Variants in VTA1 observed in about 807,000 individuals in gnomAD.
VTA1 encodes the protein vesicle trafficking 1, also known as vacuolar protein sorting-associated protein VTA1 homolog.
A neutral mutation model predicts 36.9 loss-of-function variants in VTA1; 24 were observed. The observed-to-expected ratio is 0.65, with a 90% CI of 0.47 to 0.91. The LOEUF is 0.91. Ranked by LOEUF, VTA1 falls within the 40% of genes least tolerant of loss-of-function variation. The pLI, the probability that VTA1 is intolerant of heterozygous loss-of-function variation, is 0.00. For synonymous variants in VTA1, 142 were observed against 130.2 expected, an observed-to-expected ratio of 1.09 and a Z score of -0.62; for missense variants, 393 against 377.2, an observed-to-expected ratio of 1.04 and a Z score of -0.35.
intron 4 of VTA1, among the ~76,000 whole-genome samples, chr6:142,179,914 CTT>C (rs891662441): frequency 6.6e-6 from 1 of 151,990 alleles, no homozygotes; most frequent in Non-Finnish European, 1.5e-5. Flanking sequence ...AGTTTTCTCA[CTT>C]TTGGGGAATT....
At chr6:142,180,652 A>G (rs1406064863) in intron 4 of VTA1, among the ~76,000 whole-genome samples, 1 of 152,134 alleles carries the variant, frequency 6.6e-6, no homozygotes, top group African/African-American at 2.4e-5. Context: ...CTTGTAACAC[A>G]CCTCTTTAGG....
At chr6:142,185,287 A>G (rs538377070) in intron 4 of VTA1, among the ~76,000 whole-genome samples, 4 of 152,274 alleles carry the variant, frequency 2.6e-5, no homozygotes, top group Admixed American at 6.5e-5. Flanking sequence ...AAGGGTGGAA[A>G]TAATGTATTG....
rs1218933388 is a variant in VTA1, at chr6:142,147,263, AG to A, written c.-23del. The A allele has an allele frequency of 1.2e-6, 2 of 1,612,920 alleles. No individual in the cohort carries two copies. Among genetic ancestry groups the A allele is most frequent in the African/African-American group, 1.3e-5 (1 of 74,912 alleles). On this transcript the variant is annotated 5_prime_UTR_variant, in exon 1 of 8. Coordinates refer to ENST00000367630, the MANE Select transcript of VTA1 (RefSeq NM_016485.5). ...GCGGAAGTGCCGGTGGAGCGCGAGTAGGAAGTGGTGAGTTCGGAGTAGAGAT... is the reference window on the plus strand; with the variant it reads ...GCGGAAGTGCCGGTGGAGCGCGAGTAGAAGTGGTGAGTTCGGAGTAGAGAT...
chr6:142,208,114 A>G (rs1582904088), intron 7 of VTA1, among the ~76,000 whole-genome samples: 1 of 151,342 alleles, frequency 6.6e-6, no homozygotes, highest in South Asian at 2.1e-4. Context: ...AAAAATCCCA[A>G]AACTGACCCT....
chr6:142,147,921 C>T (rs2114622934), intron 1 of VTA1, among the ~76,000 whole-genome samples: 2 of 152,228 alleles, frequency 1.3e-5, no homozygotes, highest in Non-Finnish European at 2.9e-5. Flanking sequence ...CTTTCCCCAC[C>T]CAGCTGCTCT....
chr6:142,183,359 C>T (rs911044426), intron 4 of VTA1, among the ~76,000 whole-genome samples: 5 of 152,112 alleles, frequency 3.3e-5, no homozygotes, highest in Non-Finnish European at 7.4e-5. Context: ...TTTTTCATAG[C>T]TCTAGCCAGG....
intron 1 of VTA1, among the ~76,000 whole-genome samples, chr6:142,159,150 AGGAGTT>A (rs1774727569): frequency 1.3e-5 from 2 of 152,084 alleles, no homozygotes; most frequent in South Asian, 4.2e-4. Context: ...ACATGAGCTC[AGGAGTT>A]GGAGACCAGC....
chr6:142,208,799 G>A (rs978854773), intron 7 of VTA1, among the ~76,000 whole-genome samples: 1 of 152,134 alleles, frequency 6.6e-6, no homozygotes, highest in African/African-American at 2.4e-5. Context: ...GGAATATTGT[G>A]TCCAGCAAAA....
chr6:142,190,887 A>C (rs1305319642), intron 5 of VTA1, among the ~76,000 whole-genome samples: 2 of 152,234 alleles, frequency 1.3e-5, no homozygotes, highest in Non-Finnish European at 2.9e-5. Flanking sequence ...CTTTATTTAC[A>C]GTTAACAGCC....
chr6:142,181,685 T>A (rs225672), intron 4 of VTA1, among the ~76,000 whole-genome samples: 58,581 of 151,446 alleles, frequency 0.39, 13,288 homozygotes, highest in Middle Eastern at 0.53. Flanking sequence ...GTTACCGACC[T>A]TACCTTGTTT....
At chr6:142,192,858 A>G (rs1775480695) in intron 5 of VTA1, among the ~76,000 whole-genome samples, 2 of 152,124 alleles carry the variant, frequency 1.3e-5, no homozygotes, top group Admixed American at 1.3e-4. Flanking sequence ...AGTATTTATT[A>G]GTAAATTAGA....
At chr6:142,200,043 A>C (rs1023074803) in intron 6 of VTA1, among the ~76,000 whole-genome samples, 3 of 152,094 alleles carry the variant, frequency 2.0e-5, no homozygotes, top group African/African-American at 7.2e-5. Context: ...AAGCATTCTC[A>C]TAGAGGAGCC....
intron 1 of VTA1, among the ~76,000 whole-genome samples, chr6:142,147,933 T>C (rs1057470960): frequency 3.9e-5 from 6 of 152,222 alleles, no homozygotes; most frequent in Admixed American, 2.6e-4. Context: ...AGCTGCTCTC[T>C]CCTACCATGC....
chr6:142,216,365 G>C (rs908348456), intron 7 of VTA1, among the ~76,000 whole-genome samples: 1 of 151,994 alleles, frequency 6.6e-6, no homozygotes, highest in African/African-American at 2.4e-5. Flanking sequence ...ATGTAGACTA[G>C]TATACTATAT....
intron 5 of VTA1, among the ~76,000 whole-genome samples, chr6:142,193,519 G>A (rs1775492508): frequency 6.6e-6 from 1 of 151,974 alleles, no homozygotes; most frequent in Non-Finnish European, 1.5e-5. Flanking sequence ...TCTATCATAA[G>A]GATGGACTTT....
chr6:142,187,563 C>T (rs1229455690), intron 4 of VTA1, among the ~76,000 whole-genome samples: 3 of 152,086 alleles, frequency 2.0e-5, no homozygotes, highest in Non-Finnish European at 2.9e-5. Context: ...AAGAAATATA[C>T]CCTCCCCACC....
At chr6:142,213,868 C>T (rs988831437) in intron 7 of VTA1, among the ~76,000 whole-genome samples, 9 of 152,166 alleles carry the variant, frequency 5.9e-5, no homozygotes, top group Admixed American at 1.3e-4. Context: ...CCTGTGATGG[C>T]GGGGTCTGCT....
At chr6:142,186,724 G>T (rs1189663350) in intron 4 of VTA1, among the ~76,000 whole-genome samples, 1 of 152,126 alleles carries the variant, frequency 6.6e-6, no homozygotes, top group Non-Finnish European at 1.5e-5. Flanking sequence ...ATGTCACATA[G>T]TCGGGTATTT....
intron 7 of VTA1, among the ~76,000 whole-genome samples, chr6:142,205,329 C>G (rs931457042): frequency 6.6e-6 from 1 of 151,914 alleles, no homozygotes; most frequent in Non-Finnish European, 1.5e-5. Context: ...GGATTTATTT[C>G]CTTCTGTGTT....
Sources: allele counts gnomAD v4.1 joint callset (sites outside exome capture counted in the v4.1 genomes callset), GRCh38; gene constraint gnomAD v4.1.1; transcripts MANE v1.5; gene names NCBI Gene and HGNC (gene_info 2026-07-23, HGNC 2026-07-21).